Variants in BMP6 observed in about 807,000 individuals in gnomAD.
BMP6 encodes the protein VG-1-R.
A neutral mutation model predicts 54.1 loss-of-function variants in BMP6; 17 were observed. That is an observed-to-expected ratio of 0.31 (90% CI 0.22 to 0.47). BMP6 has a LOEUF of 0.47. BMP6 is among the 20% of genes least tolerant of loss of function. BMP6 has a pLI of 1.00. For missense variants in BMP6, 720 were observed against 690.4 expected (o/e 1.04, Z -0.48); for synonymous variants, 328 against 291.2 (o/e 1.13, Z -1.28).
chr6:7,861,627 G>A (rs753962595), intron 3 of BMP6, 28 bp downstream of exon 3: 13 of 1,612,028 alleles, frequency 8.1e-6, no homozygotes, highest in East Asian at 2.2e-5. Context: ...AGCCTCCAAC[G>A]TCCAGCAAGT....
chr6:7,770,367 A>T (rs1367727533), intron 1 of BMP6, among the ~76,000 whole-genome samples: 2 of 152,252 alleles, frequency 1.3e-5, no homozygotes, highest in South Asian at 4.1e-4. Context: ...TGAAAGAAAA[A>T]TCCCTTAAGG....
At position 7,784,650 on chromosome 6, in the gene BMP6, C is replaced by A. The variant is rs183950140; in HGVS notation, c.664+57031C>A. ...ATTTTTTCTTGCAAACTCCTTTGAACTTTAAATGACAATGTTTTATATGAG... is the reference window on the plus strand; with the variant it reads ...ATTTTTTCTTGCAAACTCCTTTGAAATTTAAATGACAATGTTTTATATGAG... On this transcript the variant is annotated intron_variant, in intron 1 of 6. Coordinates refer to ENST00000283147, the MANE Select transcript of BMP6 (RefSeq NM_001718.6). 3.4e-4 allele frequency among the ~76,000 whole-genome samples: 51 copies of A among 152,234 alleles called. 1 individual carries two copies. The highest frequency in any genetic ancestry group is 1.2e-3 in the African/African-American group (48 of 41,524).
intron 1 of BMP6, among the ~76,000 whole-genome samples, chr6:7,813,813 C>T (rs563378121): frequency 6.6e-6 from 1 of 152,008 alleles, no homozygotes; most frequent in Non-Finnish European, 1.5e-5. Flanking sequence ...TAAGTAGCCA[C>T]CTAAAGAGTG....
chr6:7,868,524 G>A (rs1759466187), intron 4 of BMP6, among the ~76,000 whole-genome samples: 2 of 152,248 alleles, frequency 1.3e-5, no homozygotes, highest in Admixed American at 1.3e-4. Flanking sequence ...TATGGAAAGA[G>A]CGGCCAGGCC....
intron 1 of BMP6, among the ~76,000 whole-genome samples, chr6:7,777,050 GA>G (rs1406049207): frequency 6.6e-6 from 1 of 152,236 alleles, no homozygotes; most frequent in African/African-American, 2.4e-5. Context: ...TTGTGGTATA[GA>G]GCTGAGAATG....
intron 1 of BMP6, among the ~76,000 whole-genome samples, chr6:7,749,308 ATT>A (rs1581231765): frequency 6.6e-6 from 1 of 152,164 alleles, no homozygotes; most frequent in African/African-American, 2.4e-5. Context: ...ATGTTTCTAT[ATT>A]CTTTGGTCAC....
At chr6:7,816,528 A>G (rs1758529315) in intron 1 of BMP6, among the ~76,000 whole-genome samples, 1 of 152,216 alleles carries the variant, frequency 6.6e-6, no homozygotes, top group Non-Finnish European at 1.5e-5. Context: ...ACATTCAGCC[A>G]TGGCATCACC....
In BMP6 at chr6:7,795,798, A is replaced by C. The variant is rs73719319; in HGVS notation, c.665-49342A>C. ...GAGTGGGACTTAGTGCTGATTGGAA[A>C]GGGGAGAGCAATGGTAGGGAATGAG... On this transcript the variant is annotated intron_variant, in intron 1 of 6. Coordinates refer to ENST00000283147, the MANE Select transcript of BMP6 (RefSeq NM_001718.6). 7.6e-3 allele frequency among the ~76,000 whole-genome samples: 1,164 copies of C among 152,200 alleles called. 25 individuals carry two copies. Among genetic ancestry groups the C allele is most frequent in the African/African-American group, 0.026 (1,095 of 41,522 alleles).
At chr6:7,733,082 T>A (rs1581224543) in intron 1 of BMP6, among the ~76,000 whole-genome samples, 1 of 152,134 alleles carries the variant, frequency 6.6e-6, no homozygotes, top group East Asian at 1.9e-4. Context: ...TTTTTTGTAT[T>A]TTTAGTGGAG....
At chr6:7,878,938 G>T in intron 4 of BMP6, 136 bp from the exon 5 acceptor site, 2 of 823,384 alleles carry the variant, frequency 2.4e-6, no homozygotes, top group South Asian at 1.6e-5. Context: ...TGTAGCTGTT[G>T]GGTGACCATA....
At chr6:7,761,952 TAGTGGTGTGATCTCAGCTCACTGC>T (rs1399079527) in intron 1 of BMP6, among the ~76,000 whole-genome samples, 18 of 152,268 alleles carry the variant, frequency 1.2e-4, no homozygotes, top group African/African-American at 2.2e-4. Flanking sequence ...GGCTGGAGTG[TAGTGGTGTGATCTCAGCTCACTGC>T]AGTGGCGTGA....
At chr6:7,848,504 A>C (rs1208025678) in intron 2 of BMP6, among the ~76,000 whole-genome samples, 2 of 152,084 alleles carry the variant, frequency 1.3e-5, no homozygotes, top group Non-Finnish European at 2.9e-5. Context: ...TCAGTCAGTG[A>C]TTTCAGTTCC....
At chr6:7,783,946 A>G (rs554188837) in intron 1 of BMP6, among the ~76,000 whole-genome samples, 16 of 152,342 alleles carry the variant, frequency 1.1e-4, no homozygotes, top group African/African-American at 3.6e-4. Context: ...GATGAGCCCT[A>G]CAGAGTTTCA....
chr6:7,776,395 G>C (rs1757861249), intron 1 of BMP6, among the ~76,000 whole-genome samples: 2 of 152,250 alleles, frequency 1.3e-5, no homozygotes, highest in African/African-American at 4.8e-5. Flanking sequence ...AAGCAAAGTT[G>C]TCTGGCTTAG....
At chr6:7,775,091 G>C (rs1224803957) in intron 1 of BMP6, among the ~76,000 whole-genome samples, 1 of 152,154 alleles carries the variant, frequency 6.6e-6, no homozygotes, top group Admixed American at 6.5e-5. Flanking sequence ...GATCCCTCGT[G>C]ACCTAATCAC....
Position 7,727,574 on chromosome 6 carries a change from G to T in BMP6, c.619G>T (p.Ala207Ser). The change falls in exon 1 of 7, where the codon GCC becomes TCC. Residue 207 changes from alanine to serine, a missense_variant. Physicochemically the swap from Ala to Ser is moderately conservative, Grantham distance 99. Around this residue, in one of 3 missense-constraint regions of BMP6, gnomAD observed 650 missense variants for 556.3 expected, o/e 1.17. Transcript: ENST00000283147. The stretch of plus-strand genomic sequence containing the variant: ...CCCACTGACCAGCGCGCAGGACAGC[G>T]CCTTCCTCAACGACGCGGACATGGT... ...ASPLTSAQDS[A>S]FLNDADMVMS... 1 of 1,584,112 alleles carries T rather than the reference G, an allele frequency of 6.3e-7. No homozygotes were observed. The highest frequency in any genetic ancestry group is 8.5e-7 in the Non-Finnish European group (1 of 1,173,926).
In BMP6 at chr6:7,835,761, C is replaced by T. The variant is rs576408314; in HGVS notation, c.665-9379C>T. On this transcript the variant is annotated intron_variant, in intron 1 of 6. Transcript: ENST00000283147. ...ATTGACTGAAGTGCCTGAGTGTGCT[C>T]TCATAGAAGCCAAGGTCCACTACTA... Among the ~76,000 whole-genome samples, 7 of 152,244 alleles carry T rather than the reference C, an allele frequency of 4.6e-5. No homozygotes were observed. In the East Asian group the frequency reaches 1.4e-3, roughly 29 times the overall value.
chr6:7,786,947 A>G (rs1047991453), intron 1 of BMP6, among the ~76,000 whole-genome samples: 3 of 152,206 alleles, frequency 2.0e-5, no homozygotes, highest in Non-Finnish European at 2.9e-5. Flanking sequence ...ATTAAGATCC[A>G]CAGATGATCC....
chr6:7,878,170 T>C (rs1015096126), intron 4 of BMP6, among the ~76,000 whole-genome samples: 2 of 152,244 alleles, frequency 1.3e-5, no homozygotes. Context: ...TATTTGCCTA[T>C]GGCCTTTGCC....
Sources: gnomAD v4.1 joint callset for allele counts (sites outside exome capture counted in the v4.1 genomes callset) on GRCh38, gnomAD v4.1.1 for gene constraint, gnomAD v4.1.1 regional missense constraint, MANE v1.5 for transcripts, NCBI Gene and HGNC (gene_info 2026-07-23, HGNC 2026-07-21) for gene names.